Variants in TMEM117 observed in about 807,000 individuals in gnomAD.
TMEM117 encodes the protein transmembrane protein 117.
Under a neutral mutation model 52.4 loss-of-function variants are expected in TMEM117, and 27 were observed. The ratio of observed to expected loss-of-function variants is 0.51; its 90% CI spans 0.38 to 0.71. The LOEUF is 0.71. TMEM117 is among the 30% of genes least tolerant of loss of function. The pLI is 0.00. For missense variants in TMEM117, 556 were observed against 630.5 expected, an observed-to-expected ratio of 0.88 and a Z score of 1.26; for synonymous variants, 215 against 206.3, an observed-to-expected ratio of 1.04 and a Z score of -0.36.
the TMEM117 span, among the ~76,000 whole-genome samples, chr12:44,394,796 C>T: frequency 0.079 from 11,965 of 152,156 alleles, 656 homozygotes; most frequent in African/African-American, 0.15. Flanking sequence ...TTAGGATCTT[C>T]CAGCTGTATT....
chr12:44,061,168 A>G (rs1406187760), intron 3 of TMEM117, among the ~76,000 whole-genome samples: 1 of 152,194 alleles, frequency 6.6e-6, no homozygotes, highest in African/African-American at 2.4e-5. Context: ...GTGATTAGAA[A>G]ACAGCAGAGG....
intron 6 of TMEM117, among the ~76,000 whole-genome samples, chr12:44,304,604 G>A (rs977404953): frequency 1.3e-5 from 2 of 152,134 alleles, no homozygotes; most frequent in Non-Finnish European, 2.9e-5. Context: ...CAGTAAAGAG[G>A]ACTTTGTCTT....
At chr12:44,354,578 T>A (rs1159364702) in intron 6 of TMEM117, among the ~76,000 whole-genome samples, 11 of 150,050 alleles carry the variant, frequency 7.3e-5, no homozygotes, top group Admixed American at 1.3e-4. Context: ...CACATGATTA[T>A]CTCAATAGAT....
intron 2 of TMEM117, among the ~76,000 whole-genome samples, chr12:43,923,541 C>A (rs1944728932): frequency 6.6e-6 from 1 of 152,158 alleles, no homozygotes; most frequent in Non-Finnish European, 1.5e-5. Flanking sequence ...ACAAACTCAT[C>A]ACGTTATTAC....
At chr12:44,129,455 C>G (rs1460548162) in intron 3 of TMEM117, among the ~76,000 whole-genome samples, 2 of 151,790 alleles carry the variant, frequency 1.3e-5, no homozygotes, top group East Asian at 3.9e-4. Flanking sequence ...ACTAGAGTCA[C>G]AGAAGTTTAT....
chr12:44,033,039 G>A (rs1017699275), intron 3 of TMEM117, among the ~76,000 whole-genome samples: 9 of 152,082 alleles, frequency 5.9e-5, no homozygotes, highest in African/African-American at 1.9e-4. Context: ...TAGAAGGTTG[G>A]CACAAAATAC....
At chr12:43,803,066 T>C in the TMEM117 span, among the ~76,000 whole-genome samples, 2 of 152,176 alleles carry the variant, frequency 1.3e-5, no homozygotes, top group East Asian at 1.9e-4. Flanking sequence ...TGCAGCACTA[T>C]ACAGTAACAG....
At chr12:43,817,158 T>G in the TMEM117 span, among the ~76,000 whole-genome samples, 1 of 152,228 alleles carries the variant, frequency 6.6e-6, no homozygotes, top group African/African-American at 2.4e-5. Flanking sequence ...AGTTTTCAAT[T>G]TTCAGGAAAA....
At chr12:44,285,089 G>A (rs191119695) in intron 5 of TMEM117, among the ~76,000 whole-genome samples, 240 of 152,286 alleles carry the variant, frequency 1.6e-3, no homozygotes, top group Middle Eastern at 3.4e-3. Flanking sequence ...CTTTATTTAC[G>A]TAGATTAGGA....
At chr12:43,993,623 ATCTC>A (rs1386288357) in intron 3 of TMEM117, among the ~76,000 whole-genome samples, 6 of 152,192 alleles carry the variant, frequency 3.9e-5, no homozygotes, top group African/African-American at 1.2e-4. Context: ...CTATGTATCT[ATCTC>A]AGGCAGGCAG....
At chr12:43,863,537 G>C (rs1462569504) in intron 2 of TMEM117, among the ~76,000 whole-genome samples, 2 of 152,320 alleles carry the variant, frequency 1.3e-5, no homozygotes, top group East Asian at 3.9e-4. Context: ...CTCAGAGCAT[G>C]GAGTTCAGGG....
intron 2 of TMEM117, among the ~76,000 whole-genome samples, chr12:43,872,772 G>T (rs1675774): frequency 0.72 from 110,105 of 152,092 alleles, 43,197 homozygotes; most frequent in East Asian, 0.94. Flanking sequence ...CAAAGAAATT[G>T]TCATGAAATA....
intron 6 of TMEM117, among the ~76,000 whole-genome samples, chr12:44,350,290 A>G (rs1004495276): frequency 6.6e-6 from 1 of 151,926 alleles, no homozygotes; most frequent in East Asian, 1.9e-4. Flanking sequence ...TATATATATC[A>G]TGGGGTACAT....
intron 2 of TMEM117, among the ~76,000 whole-genome samples, chr12:43,847,991 GTTT>G (rs1943239204): frequency 6.6e-6 from 1 of 152,162 alleles, no homozygotes; most frequent in African/African-American, 2.4e-5. Context: ...AGACCAGCAA[GTTT>G]TTATTAAGGG....
chr12:44,244,201 T>G (rs958664126), intron 5 of TMEM117, among the ~76,000 whole-genome samples: 15 of 151,926 alleles, frequency 9.9e-5, no homozygotes, highest in African/African-American at 3.4e-4. Context: ...AACTTTCACA[T>G]GGTTTTTCAA....
intron 3 of TMEM117, among the ~76,000 whole-genome samples, chr12:44,074,868 C>T (rs1947356909): frequency 6.6e-6 from 1 of 152,156 alleles, no homozygotes. Context: ...ATGCTAGCAT[C>T]TCTTGCTTCG....
chr12:44,094,812 C>T (rs1213024934), intron 3 of TMEM117, among the ~76,000 whole-genome samples: 5 of 151,910 alleles, frequency 3.3e-5, no homozygotes, highest in African/African-American at 1.2e-4. Flanking sequence ...GGGGAATACT[C>T]AACTAAAAAG....
At chr12:44,045,657 A>G (rs1224665906) in intron 3 of TMEM117, among the ~76,000 whole-genome samples, 1 of 152,150 alleles carries the variant, frequency 6.6e-6, no homozygotes, top group East Asian at 1.9e-4. Flanking sequence ...AGCCTGGCCA[A>G]CATGGTGAAA....
chr12:44,142,721 A>G (rs1465322294), intron 3 of TMEM117, among the ~76,000 whole-genome samples: 2 of 152,262 alleles, frequency 1.3e-5, no homozygotes, highest in East Asian at 1.9e-4. Flanking sequence ...AGAGGGAGAG[A>G]GAAATTTGTC....
Sources: allele counts gnomAD v4.1 joint callset (sites outside exome capture counted in the v4.1 genomes callset), GRCh38; gene constraint gnomAD v4.1.1; transcripts MANE v1.5; gene names NCBI Gene and HGNC (gene_info 2026-07-23, HGNC 2026-07-21).